The following NETO1 variants were observed in gnomAD, a reference collection of about 807,000 sequenced individuals.
The protein encoded by NETO1 is neuropilin and tolloid-like protein 1.
NETO1 carries 26 observed loss-of-function variants against 61.3 expected under a neutral mutation model. The observed-to-expected ratio is 0.42, with a 90% confidence interval of 0.31 to 0.59. NETO1 has a LOEUF of 0.59. NETO1 is among the 20% of genes least tolerant of loss of function. NETO1 has a pLI of 0.12. For missense variants in NETO1, 531 were observed against 662.8 expected, an observed-to-expected ratio of 0.80 and a Z score of 2.18; for synonymous variants, 225 against 225.8, an observed-to-expected ratio of 1.00 and a Z score of 0.03.
chr18:72,867,597 G>A lies in NETO1; in HGVS notation c.-306C>T. 1 of 258,682 alleles carries A rather than the reference G, an allele frequency of 3.9e-6. No individual in the cohort carries two copies. Among genetic ancestry groups the A allele is most frequent in the Non-Finnish European group, 7.3e-6 (1 of 137,438 alleles). 16.0% of individuals were successfully genotyped at this position (258,682 alleles called of 1,614,324 possible). On this transcript the variant is annotated 5_prime_UTR_variant, in exon 1 of 11. Coordinates refer to ENST00000327305, the MANE Select transcript of NETO1 (RefSeq NM_138966.5). The stretch of plus-strand genomic sequence containing the variant: ...ACCCGGGCGCCGGCCGCCACCATCC[G>A]CGCCGCCGCCGTCAGGACCCTCCTC...
intron 6 of NETO1, among the ~76,000 whole-genome samples, chr18:72,792,318 C>G (rs1471971995): frequency 6.6e-6 from 1 of 152,068 alleles, no homozygotes; most frequent in African/African-American, 2.4e-5. Flanking sequence ...ATCTGTAATT[C>G]CCGAAGCAAG....
At chr18:72,751,445 G>A (rs566023948) in intron 8 of NETO1, among the ~76,000 whole-genome samples, 36 of 152,266 alleles carry the variant, frequency 2.4e-4, no homozygotes, top group Non-Finnish European at 4.3e-4. Context: ...GCAGCTCCCA[G>A]TTAAGTGAGT....
chr18:72,764,461 G>A (rs1311262857), intron 7 of NETO1, among the ~76,000 whole-genome samples: 2 of 151,958 alleles, frequency 1.3e-5, no homozygotes, highest in East Asian at 3.9e-4. Flanking sequence ...TTTTCCCCCT[G>A]CCTTCTCAGG....
At chr18:72,805,893 T>G (rs1179614454) in intron 4 of NETO1, among the ~76,000 whole-genome samples, 1 of 152,116 alleles carries the variant, frequency 6.6e-6, no homozygotes, top group East Asian at 1.9e-4. Flanking sequence ...GGAGCTATGG[T>G]TAAAAACACA....
chr18:72,758,059 A>T, intron 7 of NETO1, among the ~76,000 whole-genome samples: 1 of 70,536 alleles, frequency 1.4e-5, no homozygotes, highest in South Asian at 3.4e-4. Context: ...AGGAAGGGGT[A>T]GTTTAAAATT....
chr18:72,851,111 G>A (rs1015799637), intron 4 of NETO1, among the ~76,000 whole-genome samples: 2 of 152,180 alleles, frequency 1.3e-5, no homozygotes, highest in Non-Finnish European at 2.9e-5. Context: ...TTAGGGAGCA[G>A]GAAAATTCGT....
At position 72,750,205 on chromosome 18, in the gene NETO1, G is replaced by T; in HGVS notation, c.1398C>A (p.Leu466=). 1.2e-6 allele frequency: 2 copies of T among 1,614,116 alleles called. No individual in the cohort carries two copies. The highest frequency in any genetic ancestry group is 1.1e-5 in the South Asian group (1 of 91,068). ...TEMPTQPGKP[L]IPPMNRRNIL... is the part of the protein sequence containing the mutation. Reference sequence around the variant, plus strand: ...TATTTCTTCTGTTCATGGGTGGGATGAGGGGTTTTCCTGGCTGTGTGGGCA... The same window carrying T: ...TATTTCTTCTGTTCATGGGTGGGATTAGGGGTTTTCCTGGCTGTGTGGGCA... The change falls in exon 9 of 11, where the codon CTC becomes CTA. Residue 466 remains leucine (L), a synonymous_variant. Coordinates refer to ENST00000327305, the MANE Select transcript of NETO1 (RefSeq NM_138966.5).
intron 4 of NETO1, among the ~76,000 whole-genome samples, chr18:72,800,906 G>A (rs2072484163): frequency 6.6e-6 from 1 of 152,098 alleles, no homozygotes; most frequent in African/African-American, 2.4e-5. Context: ...CAATCCACAG[G>A]TTCTCACAGT....
At chr18:72,865,562 A>G (rs1349840339) in intron 1 of NETO1, 1 of 1,606,794 alleles carries the variant, frequency 6.2e-7, no homozygotes, top group Non-Finnish European at 8.5e-7. Context: ...GTCACACTGT[A>G]TCTAAACTAC....
rs75038247 is a variant in NETO1, at chr18:72,827,090, C to CT, written c.469+31735dup. 4.8e-3 allele frequency among the ~76,000 whole-genome samples: 681 copies of CT among 142,702 alleles called. 4 individuals are homozygous for CT. Among genetic ancestry groups the CT allele is most frequent in the African/African-American group, 0.011 (428 of 38,330 alleles). 93.6% of individuals were successfully genotyped at this position (142,702 alleles called of 152,430 possible). ...ACCGCCCAGCCATATTCAATGCTTT[C>CT]TTTTTTTTTTTTTTCCAAATCCGTA... On this transcript the variant is annotated intron_variant, in intron 4 of 10. Transcript: ENST00000327305.
At chr18:72,798,219 C>T (rs2072384589) in intron 4 of NETO1, among the ~76,000 whole-genome samples, 1 of 152,170 alleles carries the variant, frequency 6.6e-6, no homozygotes, top group Non-Finnish European at 1.5e-5. Context: ...TGAGCTCCTC[C>T]TCCTGTCAAG....
At chr18:72,769,820 A>T (rs1469287044) in intron 7 of NETO1, among the ~76,000 whole-genome samples, 1 of 152,072 alleles carries the variant, frequency 6.6e-6, no homozygotes, top group Non-Finnish European at 1.5e-5. Context: ...ACATCATCTT[A>T]ATAAAGAGTA....
intron 7 of NETO1, among the ~76,000 whole-genome samples, chr18:72,779,133 C>T (rs144982964): frequency 1.3e-3 from 197 of 152,172 alleles, no homozygotes; most frequent in Non-Finnish European, 1.8e-3. Flanking sequence ...TTGAATAAGA[C>T]GAAAGCTGAT....
intron 7 of NETO1, among the ~76,000 whole-genome samples, chr18:72,763,268 T>A (rs2071040540): frequency 6.6e-6 from 1 of 152,186 alleles, no homozygotes; most frequent in South Asian, 2.1e-4. Flanking sequence ...CTATCATTGG[T>A]AATTTGTTCA....
rs962436019 is a variant in NETO1, at chr18:72,867,638, G to T, written c.-347C>A. 2.6e-4 allele frequency: 44 copies of T among 171,952 alleles called. No individual in the cohort carries two copies. Among genetic ancestry groups the T allele is most frequent in the Non-Finnish European group, 4.9e-4 (40 of 81,502 alleles). The allele number at this position is 171,952 out of a possible 1,614,324, so 10.7% of individuals were successfully genotyped here. On this transcript the variant is annotated 5_prime_UTR_variant, in exon 1 of 11. Coordinates refer to ENST00000327305, the MANE Select transcript of NETO1 (RefSeq NM_138966.5). ...GACCCTCCTCCCGGGCATCGTCGCCGCCGCGGGGTCGGGAGGACGCGGCGC... is the reference window on the plus strand; with the variant it reads ...GACCCTCCTCCCGGGCATCGTCGCCTCCGCGGGGTCGGGAGGACGCGGCGC...
intron 7 of NETO1, among the ~76,000 whole-genome samples, chr18:72,770,553 A>G (rs2071321008): frequency 6.6e-6 from 1 of 152,104 alleles, no homozygotes; most frequent in Admixed American, 6.6e-5. Context: ...CTACTATATG[A>G]CATACATAAA....
intron 4 of NETO1, among the ~76,000 whole-genome samples, chr18:72,846,937 C>T (rs893946269): frequency 3.3e-5 from 5 of 152,192 alleles, no homozygotes; most frequent in African/African-American, 1.2e-4. Context: ...GCCAAATTTG[C>T]CAAAGGAAGT....
At chr18:72,835,130 T>C (rs2073702581) in intron 4 of NETO1, 2 of 1,225,272 alleles carry the variant, frequency 1.6e-6, no homozygotes, top group Admixed American at 4.0e-5. Flanking sequence ...TGTGGCAAAC[T>C]TTCTCCAGAA....
At chr18:72,839,142 C>G (rs2073845425) in intron 4 of NETO1, among the ~76,000 whole-genome samples, 1 of 151,834 alleles carries the variant, frequency 6.6e-6, no homozygotes, top group South Asian at 2.1e-4. Context: ...TTTTTTTATC[C>G]CAAGGCTGTT....
Sources: allele counts gnomAD v4.1 joint callset (sites outside exome capture counted in the v4.1 genomes callset), GRCh38; gene constraint gnomAD v4.1.1; transcripts MANE v1.5; gene names NCBI Gene and HGNC (gene_info 2026-07-23, HGNC 2026-07-21).